CCNB1IP1: variants seen among roughly 807,000 people sequenced by gnomAD.
The protein encoded by CCNB1IP1 is cyclin B1 interacting protein 1.
In CCNB1IP1, 14 loss-of-function variants were observed where a neutral mutation model predicts 25.6. The observed-to-expected ratio is 0.55, with a 90% CI of 0.36 to 0.85. CCNB1IP1 has a LOEUF of 0.85. CCNB1IP1 is among the 40% of genes least tolerant of loss of function. CCNB1IP1 has a pLI of 0.01. For synonymous variants in CCNB1IP1, 119 were observed against 116.1 expected (o/e 1.02, Z -0.16); for missense variants, 278 against 342.4 (o/e 0.81, Z 1.48).
chr14:20,331,960 G>T (rs1407603529), intron 1 of CCNB1IP1, among the ~76,000 whole-genome samples: 1 of 117,426 alleles, frequency 8.5e-6, no homozygotes, highest in East Asian at 2.4e-4. Context: ...TGAACCATGT[G>T]AATGTATTAC....
chr14:20,314,918 C>T (rs912689812), intron 5 of CCNB1IP1, among the ~76,000 whole-genome samples: 3 of 150,836 alleles, frequency 2.0e-5, no homozygotes, highest in Non-Finnish European at 3.0e-5. Flanking sequence ...GGTGAAACCC[C>T]GCCTCTACTA....
chr14:20,314,986 G>A lies in CCNB1IP1; in HGVS notation c.298-1185C>T, dbSNP rs1331687458. Among the ~76,000 whole-genome samples, 5 of 149,832 alleles carry A rather than the reference G, an allele frequency of 3.3e-5. No individual in the cohort carries two copies. In the South Asian group the frequency reaches 1.1e-3, roughly 32 times the overall value. Reference sequence around the variant, plus strand: ...GGCGCCTGTAGTCCCAGCTACTCGGGAGGCTGAGGCAGGAGAATGGCGTGA... The same window carrying A: ...GGCGCCTGTAGTCCCAGCTACTCGGAAGGCTGAGGCAGGAGAATGGCGTGA... On this transcript the variant is annotated intron_variant, in intron 5 of 6. Coordinates refer to ENST00000358932, the MANE Select transcript of CCNB1IP1 (RefSeq NM_021178.5).
At chr14:20,332,750 A>T (rs1883289898) in intron 1 of CCNB1IP1, 1 of 152,214 alleles carries the variant, frequency 6.6e-6, no homozygotes, top group African/African-American at 2.4e-5. Flanking sequence ...TTCACCAAGA[A>T]AGCCGAAATG....
At chr14:20,319,777 G>C (rs903362449) in intron 4 of CCNB1IP1, among the ~76,000 whole-genome samples, 2 of 152,210 alleles carry the variant, frequency 1.3e-5, no homozygotes, top group Non-Finnish European at 2.9e-5. Context: ...CAGAGCCTGG[G>C]TTAGTATATC....
chr14:20,311,952 A>T (rs548993957), intron 6 of CCNB1IP1, among the ~76,000 whole-genome samples, 200 bp from the exon 7 acceptor site: 2 of 152,310 alleles, frequency 1.3e-5, no homozygotes, highest in Non-Finnish European at 2.9e-5. Context: ...TTCTAGAAAA[A>T]ATATAACTGA....
Position 20,311,381 on chromosome 14 carries a change from A to G in CCNB1IP1, c.*169T>C, listed in dbSNP as rs74830024. 1,325 of 511,558 alleles carry G rather than the reference A, an allele frequency of 2.6e-3. 18 individuals are homozygous for G. Among genetic ancestry groups the G allele is most frequent in the African/African-American group, 0.022 (1,177 of 52,906 alleles). The allele number at this position is 511,558 out of a possible 1,614,324, so 31.7% of individuals were successfully genotyped here. On this transcript the variant is annotated 3_prime_UTR_variant, in exon 7 of 7. Transcript: ENST00000358932. ...ATAGAAACAGTCTGTAAAGTTAGCT[A>G]AATTATCTTTATTTTTTTTTAGAAA...
At position 20,311,640 on chromosome 14, in the gene CCNB1IP1, G is replaced by T. The variant is rs375606737; in HGVS notation, c.744C>A (p.Pro248=). 16 of 1,613,994 alleles carry T rather than the reference G, an allele frequency of 9.9e-6. No individual in the cohort carries two copies. Among genetic ancestry groups the T allele is most frequent in the Admixed American group, 1.7e-5 (1 of 60,002 alleles). Residue 248 remains proline, a synonymous_variant, in exon 7 of 7, where the codon CCC becomes CCA. Transcript: ENST00000358932. ...FFAGSPTAPE[P]SNSFFSFVSP... is the part of the protein sequence containing the mutation. The stretch of plus-strand genomic sequence containing the variant: ...AGACAAAACTAAAAAAGCTGTTGCT[G>T]GGTTCAGGTGCTGTGGGAGAACCCG...
rs73583490 is a variant in CCNB1IP1 at position 20,326,792 on chromosome 14, T to G, written c.-229A>C. On this transcript the variant is annotated splice_region_variant and 5_prime_UTR_variant, in exon 3 of 7. Transcript: ENST00000358932. ...GGATCTATCAATTATCTAGGATCAT[T>G]TCTGGAAAATTTAAAAAACATAAAT... 5,407 of 257,186 alleles carry G rather than the reference T, an allele frequency of 0.021. 283 individuals are homozygous for G. Among genetic ancestry groups the G allele is most frequent in the African/African-American group, 0.11 (5,023 of 44,750 alleles). The allele number at this position is 257,186 out of a possible 1,614,324, so 15.9% of individuals were successfully genotyped here. A position where few individuals can be genotyped will look rare whatever the true frequency, so the allele number is the denominator to read the frequency against.
rs377641985 is a variant in CCNB1IP1 at position 20,316,275 on chromosome 14, C to T, written c.249G>A (p.Glu83=). 1 of 1,614,002 alleles carries T rather than the reference C, an allele frequency of 6.2e-7. No homozygotes were observed. Among genetic ancestry groups the T allele is most frequent in the Non-Finnish European group, 8.5e-7 (1 of 1,179,864 alleles). The change falls in exon 5 of 7, where the codon GAG becomes GAA. Residue 83 remains glutamate (E), a synonymous_variant. Transcript: ENST00000358932. ...KAMVLAGLRP[E]IVLDISSRAL... ...CTCGGGAGCTAATGTCCAACACGAT[C>T]TCTGGTCGCAGTCCTGCCAATACCA...
chr14:20,327,992 CAT>C (rs1470233135), intron 2 of CCNB1IP1, among the ~76,000 whole-genome samples: 2 of 152,288 alleles, frequency 1.3e-5, no homozygotes, highest in East Asian at 3.9e-4. Flanking sequence ...GCAGTACAAA[CAT>C]AGAGCATTTC....
intron 4 of CCNB1IP1, among the ~76,000 whole-genome samples, chr14:20,317,190 C>G (rs966095687): frequency 1.3e-5 from 2 of 152,056 alleles, no homozygotes; most frequent in African/African-American, 4.8e-5. Context: ...GCGGGCGGAT[C>G]ACGAGGTCAG....
rs187886490 is a variant in CCNB1IP1, at chr14:20,313,178, T to A, written c.631+290A>T. On this transcript the variant is annotated intron_variant, in intron 6 of 6. Coordinates refer to ENST00000358932, the MANE Select transcript of CCNB1IP1 (RefSeq NM_021178.5). ...CACTTAGGAATCAATAAATGACAGC[T>A]AATATTATTATTACTACAACTACAT... Among the ~76,000 whole-genome samples the A allele has an allele frequency of 1.1e-3, 165 of 152,244 alleles. 1 individual carries two copies. Among genetic ancestry groups the A allele is most frequent in the African/African-American group, 3.9e-3 (161 of 41,474 alleles).
chr14:20,312,462 C>T lies in CCNB1IP1; in HGVS notation c.632-710G>A, dbSNP rs78404293. Among the ~76,000 whole-genome samples, 1,197 of 151,798 alleles carry T rather than the reference C, an allele frequency of 7.9e-3. 10 individuals are homozygous for T. The highest frequency in any genetic ancestry group is 0.027 in the African/African-American group (1,135 of 41,398). On this transcript the variant is annotated intron_variant, in intron 6 of 6. Coordinates refer to ENST00000358932, the MANE Select transcript of CCNB1IP1 (RefSeq NM_021178.5). ...AACTCCTGGGCTCAAGTGATTCTCC[C>T]ACCTCAATCTCCCAAAGTGCTGGGC...
intron 2 of CCNB1IP1, among the ~76,000 whole-genome samples, chr14:20,327,994 T>TA (rs2138873328): frequency 6.6e-6 from 1 of 152,298 alleles, no homozygotes; most frequent in South Asian, 2.1e-4. Flanking sequence ...AGTACAAACA[T>TA]AGAGCATTTC....
At chr14:20,323,852 A>G in intron 4 of CCNB1IP1, among the ~76,000 whole-genome samples, 1 of 137,740 alleles carries the variant, frequency 7.3e-6, no homozygotes, top group Non-Finnish European at 1.5e-5. Flanking sequence ...TGGGAGGCGG[A>G]GCTTGCAGTG....
At chr14:20,332,706 A>G (rs1217593803) in intron 1 of CCNB1IP1, 1 of 152,128 alleles carries the variant, frequency 6.6e-6, no homozygotes, top group Admixed American at 6.6e-5. Flanking sequence ...AGCTCCTTTT[A>G]AGGCTTATCT....
In CCNB1IP1 at chr14:20,311,442, T is replaced by C. The variant is rs1489503153; in HGVS notation, c.*108A>G. 1 of 871,932 alleles carries C rather than the reference T, an allele frequency of 1.1e-6. No homozygotes were observed. The highest frequency in any genetic ancestry group is 1.7e-5 in the African/African-American group (1 of 59,660). The allele number at this position is 871,932 out of a possible 1,614,324, so 54.0% of individuals were successfully genotyped here. On this transcript the variant is annotated 3_prime_UTR_variant, in exon 7 of 7. Coordinates refer to ENST00000358932, the MANE Select transcript of CCNB1IP1 (RefSeq NM_021178.5). ...CTCTGTTGCCCAGGCTGGAGTGCAGTGGCATGATCTTAGATCACTAAAGCC... is the reference window on the plus strand; with the variant it reads ...CTCTGTTGCCCAGGCTGGAGTGCAGCGGCATGATCTTAGATCACTAAAGCC...
intron 2 of CCNB1IP1, among the ~76,000 whole-genome samples, chr14:20,327,619 T>C (rs140416636): frequency 4.0e-5 from 6 of 151,090 alleles, no homozygotes; most frequent in Admixed American, 2.7e-4. Flanking sequence ...AGCTAGAAAA[T>C]TTTTTGTATT....
chr14:20,319,012 C>G (rs895636191), intron 4 of CCNB1IP1: 2 of 152,294 alleles, frequency 1.3e-5, no homozygotes, highest in African/African-American at 4.8e-5. Context: ...ATCCACCCAC[C>G]TCGGCCTCCC....
Sources: allele counts gnomAD v4.1 joint callset (sites outside exome capture counted in the v4.1 genomes callset), GRCh38; gene constraint gnomAD v4.1.1; transcripts MANE v1.5; gene names NCBI Gene and HGNC (gene_info 2026-07-23, HGNC 2026-07-21).